BRIP1: variants seen among roughly 807,000 people sequenced by gnomAD.
BRIP1 encodes BRCA1 interacting DNA helicase 1.
In BRIP1, 88 loss-of-function variants were observed where a neutral mutation model predicts 119.7. The observed-to-expected ratio is 0.74, with a 90% CI of 0.62 to 0.88. The LOEUF is 0.88. Ranked by LOEUF, BRIP1 falls within the 40% of genes least tolerant of loss-of-function variation. The pLI is 0.00. For synonymous variants in BRIP1, 443 were observed against 496.5 expected (o/e 0.89, Z 1.43); for missense variants, 1,259 against 1,455.4 (o/e 0.87, Z 2.20).
At position 61,753,473 on chromosome 17, in the gene BRIP1, G is replaced by A. The variant is rs1216751558; in HGVS notation, c.2098-8882C>T. ...GGCATAGTACTTAAGGAAGAAGTCA[G>A]AATTTAATTATATATTAGGAAAGCA... On this transcript the variant is annotated intron_variant, in intron 14 of 19. Coordinates refer to ENST00000259008, the MANE Select transcript of BRIP1 (RefSeq NM_032043.3). This position sits in a 1 kb window ranked among gnomAD's most constrained non-coding sequence, Gnocchi z 4.6. 6.6e-6 allele frequency among the ~76,000 whole-genome samples: 1 copy of A among 152,038 alleles called. No homozygotes were observed. The highest frequency in any genetic ancestry group is 1.5e-5 in the Non-Finnish European group (1 of 68,002).
rs547028717 is a variant in BRIP1, at chr17:61,822,517, G to A, written c.628-13760C>T. Among the ~76,000 whole-genome samples, 2 of 152,230 alleles carry A rather than the reference G, an allele frequency of 1.3e-5. No individual in the cohort carries two copies. Among genetic ancestry groups the A allele is most frequent in the African/African-American group, 4.8e-5 (2 of 41,552 alleles). ...GGGAACTGGACAGACTATCCAGTAA[G>A]GCCAGTCAAATCAATCATACAGGTT... is the stretch of plus-strand genomic sequence containing the variant. On this transcript the variant is annotated intron_variant, in intron 6 of 19. Transcript: ENST00000259008. The surrounding 1 kb of genome is among the most constrained non-coding windows in gnomAD (Gnocchi z 4.4).
At position 61,760,803 on chromosome 17, in the gene BRIP1, A is replaced by C. The variant is rs1051400937; in HGVS notation, c.2097+15598T>G. On this transcript the variant is annotated intron_variant, in intron 14 of 19. Coordinates refer to ENST00000259008, the MANE Select transcript of BRIP1 (RefSeq NM_032043.3). This position sits in a 1 kb window ranked among gnomAD's most constrained non-coding sequence, Gnocchi z 4.6. ...AGAAAAGCCCAAGACCTGTTGGCTC[A>C]CTGCTGAATTCTACCTAACAGTTAA... is the stretch of plus-strand genomic sequence containing the variant. 6.6e-6 allele frequency among the ~76,000 whole-genome samples: 1 copy of C among 152,084 alleles called. No individual in the cohort carries two copies. The highest frequency in any genetic ancestry group is 1.9e-4 in the East Asian group (1 of 5,198).
intron 6 of BRIP1, among the ~76,000 whole-genome samples, chr17:61,838,546 A>AAAATAAATAAAT (rs71153410): frequency 7.1e-6 from 1 of 140,948 alleles, no homozygotes; most frequent in Admixed American, 7.1e-5. Context: ...TCCCTCTCAA[A>AAAATAAATAAAT]AAATAAATAA....
chr17:61,790,674 C>T (rs1237438073), intron 10 of BRIP1, among the ~76,000 whole-genome samples: 2 of 151,902 alleles, frequency 1.3e-5, no homozygotes, highest in African/African-American at 2.4e-5. Flanking sequence ...GGGTCTTGCT[C>T]TGTGCCCCAG....
chr17:61,808,180 G>A lies in BRIP1; in HGVS notation c.918+287C>T, dbSNP rs907253404. Among the ~76,000 whole-genome samples, 1 of 152,074 alleles carries A rather than the reference G, an allele frequency of 6.6e-6. No individual in the cohort carries two copies. The highest frequency in any genetic ancestry group is 6.5e-5 in the Admixed American group (1 of 15,270). Reference sequence around the variant, plus strand: ...TCCTCATATGATATCATCCAAGTTTGACTATTTTTGGTAGCAGGATTTAAA... The same window carrying A: ...TCCTCATATGATATCATCCAAGTTTAACTATTTTTGGTAGCAGGATTTAAA... On this transcript the variant is annotated intron_variant, in intron 7 of 19. Transcript: ENST00000259008. This position sits in a 1 kb window ranked among gnomAD's most constrained non-coding sequence, Gnocchi z 4.1.
At chr17:61,741,704 A>C (rs2144663299) in intron 16 of BRIP1, among the ~76,000 whole-genome samples, 1 of 152,098 alleles carries the variant, frequency 6.6e-6, no homozygotes, top group East Asian at 1.9e-4. Flanking sequence ...AGTAGATCTC[A>C]ATAATGGACT....
chr17:61,761,651 T>C lies in BRIP1; in HGVS notation c.2097+14750A>G, dbSNP rs911601858. The stretch of plus-strand genomic sequence containing the variant: ...TATCCAAAAAAGAAATTAAGAGAAC[T>C]CCTTTTACAATAGCTACCAAAAAGA... On this transcript the variant is annotated intron_variant, in intron 14 of 19. Transcript: ENST00000259008. The surrounding 1 kb of genome is among the most constrained non-coding windows in gnomAD (Gnocchi z 6.4). 7.2e-5 allele frequency among the ~76,000 whole-genome samples: 11 copies of C among 151,846 alleles called. No individual in the cohort carries two copies. The highest frequency in any genetic ancestry group is 2.7e-4 in the African/African-American group (11 of 41,472).
chr17:61,819,958 C>T (rs1262723285), intron 6 of BRIP1, among the ~76,000 whole-genome samples: 1 of 151,622 alleles, frequency 6.6e-6, no homozygotes, highest in Non-Finnish European at 1.5e-5. Context: ...GATTATTACA[C>T]ATTGCATGCC....
rs1346779329 is a variant in BRIP1 at position 61,736,299 on chromosome 17, A to G, written c.2379+6714T>C. On this transcript the variant is annotated intron_variant, in intron 16 of 19. Coordinates refer to ENST00000259008, the MANE Select transcript of BRIP1 (RefSeq NM_032043.3). This position sits in a 1 kb window ranked among gnomAD's most constrained non-coding sequence, Gnocchi z 4.4. ...GCTATGATTGTGCCACTGCACTCCAACCTGGGCGACAGAACAAGACCTTGT... is the reference window on the plus strand; with the variant it reads ...GCTATGATTGTGCCACTGCACTCCAGCCTGGGCGACAGAACAAGACCTTGT... 1.3e-5 allele frequency among the ~76,000 whole-genome samples: 2 copies of G among 152,146 alleles called. No individual in the cohort carries two copies. The highest frequency in any genetic ancestry group is 4.8e-5 in the African/African-American group (2 of 41,434).
At position 61,821,520 on chromosome 17, in the gene BRIP1, T is replaced by C. The variant is rs186286682; in HGVS notation, c.628-12763A>G. Among the ~76,000 whole-genome samples the C allele has an allele frequency of 1.8e-3, 273 of 150,046 alleles. 2 individuals carry two copies. The highest frequency in any genetic ancestry group is 2.6e-3 in the Non-Finnish European group (178 of 67,364). ...CTTTTTTTTTCTTGTATTTTTTACC[T>C]TTTTATTTTTAATTTTATTTTTTTT... On this transcript the variant is annotated intron_variant, in intron 6 of 19. Transcript: ENST00000259008.
At position 61,842,386 on chromosome 17, in the gene BRIP1, G is replaced by A. The variant is rs1331728358; in HGVS notation, c.627+4715C>T. 6.6e-6 allele frequency among the ~76,000 whole-genome samples: 1 copy of A among 152,100 alleles called. No homozygotes were observed. The highest frequency in any genetic ancestry group is 1.5e-5 in the Non-Finnish European group (1 of 68,016). The stretch of plus-strand genomic sequence containing the variant: ...TTCTGGTATTCTATAGCACTCTAGG[G>A]TAAATATGGTTAACAATAATTTCTT... On this transcript the variant is annotated intron_variant, in intron 6 of 19. Coordinates refer to ENST00000259008, the MANE Select transcript of BRIP1 (RefSeq NM_032043.3). The surrounding 1 kb of genome is among the most constrained non-coding windows in gnomAD (Gnocchi z 5.1).
rs547072581 is a variant in BRIP1 at position 61,759,993 on chromosome 17, T to C, written c.2098-15402A>G. Reference sequence around the variant, plus strand: ...CCATTCAAGAGCAACAGAATACACATTCTTCTCAAATACCATAAAATAGTC... The same window carrying C: ...CCATTCAAGAGCAACAGAATACACACTCTTCTCAAATACCATAAAATAGTC... On this transcript the variant is annotated intron_variant, in intron 14 of 19. Transcript: ENST00000259008. The surrounding 1 kb of genome is among the most constrained non-coding windows in gnomAD (Gnocchi z 4.9). 2.0e-5 allele frequency among the ~76,000 whole-genome samples: 3 copies of C among 152,006 alleles called. No individual in the cohort carries two copies. The highest frequency in any genetic ancestry group is 7.2e-5 in the African/African-American group (3 of 41,508).
In BRIP1 at chr17:61,861,054, A is replaced by G. The variant is rs2078966416; in HGVS notation, c.93+393T>C. On this transcript the variant is annotated intron_variant, in intron 2 of 19. Coordinates refer to ENST00000259008, the MANE Select transcript of BRIP1 (RefSeq NM_032043.3). The surrounding 1 kb of genome is among the most constrained non-coding windows in gnomAD (Gnocchi z 4.5). ...TAAGATATGAAGTACATATGGCAAA[A>G]TAGCTGTAACAAAACTGGAAAGCTG... 6.6e-6 allele frequency among the ~76,000 whole-genome samples: 1 copy of G among 152,208 alleles called. No homozygotes were observed.
Position 61,823,244 on chromosome 17 carries a change from T to C in BRIP1, c.628-14487A>G, listed in dbSNP as rs1355316043. Among the ~76,000 whole-genome samples, 2 of 152,176 alleles carry C rather than the reference T, an allele frequency of 1.3e-5. No homozygotes were observed. The highest frequency in any genetic ancestry group is 2.9e-5 in the Non-Finnish European group (2 of 68,022). On this transcript the variant is annotated intron_variant, in intron 6 of 19. Coordinates refer to ENST00000259008, the MANE Select transcript of BRIP1 (RefSeq NM_032043.3). This position sits in a 1 kb window ranked among gnomAD's most constrained non-coding sequence, Gnocchi z 4.8. Reference sequence around the variant, plus strand: ...AAAAGGCCAACATTTAAAGAAACAATAAATGTCCTTAAAAATATGATTGTA... The same window carrying C: ...AAAAGGCCAACATTTAAAGAAACAACAAATGTCCTTAAAAATATGATTGTA...
rs924225089 is a variant in BRIP1 at position 61,802,855 on chromosome 17, A to G, written c.919-1381T>C. ...TAAGTTTCTTGAAAACATATAGTGA[A>G]ATTATCCTCCAGAAAGTATATATTG... is the stretch of plus-strand genomic sequence containing the variant. On this transcript the variant is annotated intron_variant, in intron 7 of 19. Coordinates refer to ENST00000259008, the MANE Select transcript of BRIP1 (RefSeq NM_032043.3). The surrounding 1 kb of genome is among the most constrained non-coding windows in gnomAD (Gnocchi z 6.0). Among the ~76,000 whole-genome samples, 1 of 152,208 alleles carries G rather than the reference A, an allele frequency of 6.6e-6. No individual in the cohort carries two copies. The highest frequency in any genetic ancestry group is 2.4e-5 in the African/African-American group (1 of 41,470).
Position 61,686,367 on chromosome 17 carries a change from A to G in BRIP1, c.2576-202T>C, listed in dbSNP as rs186619628. The stretch of plus-strand genomic sequence containing the variant: ...AACATATGAGTAACATTCTCTTTAT[A>G]TACAGTAATTGTCAAATGGAGAGAG... On this transcript the variant is annotated intron_variant, in intron 18 of 19. Coordinates refer to ENST00000259008, the MANE Select transcript of BRIP1 (RefSeq NM_032043.3). The surrounding 1 kb of genome is among the most constrained non-coding windows in gnomAD (Gnocchi z 5.4). 2.0e-5 allele frequency among the ~76,000 whole-genome samples: 3 copies of G among 152,330 alleles called. No homozygotes were observed. The highest frequency in any genetic ancestry group is 2.1e-4 in the South Asian group (1 of 4,826).
rs1279415150 is a variant in BRIP1 at position 61,738,177 on chromosome 17, G to A, written c.2379+4836C>T. On this transcript the variant is annotated intron_variant, in intron 16 of 19. Coordinates refer to ENST00000259008, the MANE Select transcript of BRIP1 (RefSeq NM_032043.3). The surrounding 1 kb of genome is among the most constrained non-coding windows in gnomAD (Gnocchi z 4.2). ...AAAATCGAGAGAGCCAACCAACCAA[G>A]CCCAAGCCTAGATCATCTGTCACCC... 6.6e-6 allele frequency among the ~76,000 whole-genome samples: 1 copy of A among 152,132 alleles called. No individual in the cohort carries two copies. Among genetic ancestry groups the A allele is most frequent in the Non-Finnish European group, 1.5e-5 (1 of 68,014 alleles).
intron 10 of BRIP1, among the ~76,000 whole-genome samples, chr17:61,786,176 AAG>A (rs1206790464): frequency 1.3e-5 from 2 of 151,892 alleles, no homozygotes; most frequent in African/African-American, 2.4e-5. Flanking sequence ...GCAAAGGAAG[AAG>A]AGAGAGCGCA....
At chr17:61,714,731 G>A in intron 17 of BRIP1, among the ~76,000 whole-genome samples, 1 of 151,456 alleles carries the variant, frequency 6.6e-6, no homozygotes, top group Non-Finnish European at 1.5e-5. Context: ...ATGATTAAAT[G>A]TTTAGTTGGT....
Sources: allele counts gnomAD v4.1 joint callset (sites outside exome capture counted in the v4.1 genomes callset), GRCh38; gene constraint gnomAD v4.1.1; non-coding constraint Gnocchi (gnomAD v3.1); transcripts MANE v1.5; gene names NCBI Gene and HGNC (gene_info 2026-07-23, HGNC 2026-07-21).